FCHSD2: variants seen among roughly 807,000 people sequenced by gnomAD.
FCHSD2 encodes FCH and double SH3 domains 2, also known as F-BAR and double SH3 domains protein 2.
Under a neutral mutation model 108.1 loss-of-function variants are expected in FCHSD2, and 38 were observed. The ratio of observed to expected loss-of-function variants is 0.35; its 90% CI spans 0.27 to 0.46. FCHSD2 has a LOEUF of 0.46. Ranked by LOEUF, FCHSD2 falls within the 20% of genes least tolerant of loss-of-function variation. The probability of loss-of-function intolerance (pLI) is 1.00; values close to 1 mark genes in which losing one functional copy is unlikely to be tolerated. For missense variants in FCHSD2, 751 were observed against 897.8 expected (o/e 0.84, Z 2.09); for synonymous variants, 279 against 314.7 (o/e 0.89, Z 1.20).
chr11:72,923,668 G>A (rs767557635), intron 8 of FCHSD2, among the ~76,000 whole-genome samples: 3 of 152,156 alleles, frequency 2.0e-5, no homozygotes, highest in Non-Finnish European at 4.4e-5. Context: ...CAGGTTGGGT[G>A]TGGTGGGTCA....
intron 9 of FCHSD2, among the ~76,000 whole-genome samples, chr11:72,916,634 T>G (rs889232578): frequency 1.3e-5 from 2 of 152,320 alleles, no homozygotes; most frequent in Non-Finnish European, 2.9e-5. Flanking sequence ...CACTTTTATA[T>G]TGGGTTGTCT....
chr11:73,099,820 G>A (rs1187119541), intron 2 of FCHSD2, among the ~76,000 whole-genome samples: 1 of 152,184 alleles, frequency 6.6e-6, no homozygotes, highest in Admixed American at 6.5e-5. Flanking sequence ...AGGGAAGCCA[G>A]GAGAGGCGGC....
intron 8 of FCHSD2, among the ~76,000 whole-genome samples, chr11:72,972,244 T>A (rs1857021021): frequency 6.6e-6 from 1 of 152,206 alleles, no homozygotes; most frequent in South Asian, 2.1e-4. Flanking sequence ...ACCTGTCCAC[T>A]GAAGGATGTG....
At chr11:72,904,966 GTTTA>G (rs1422042615) in intron 9 of FCHSD2, among the ~76,000 whole-genome samples, 5 of 152,130 alleles carry the variant, frequency 3.3e-5, no homozygotes, top group South Asian at 2.1e-4. Context: ...TTTTTGTCTT[GTTTA>G]TTTATTTATT....
intron 4 of FCHSD2, among the ~76,000 whole-genome samples, chr11:73,009,073 T>A (rs1857804271): frequency 6.6e-6 from 1 of 151,732 alleles, no homozygotes; most frequent in Non-Finnish European, 1.5e-5. Flanking sequence ...AAAGTAGTGT[T>A]ACAAAAGTCT....
chr11:72,888,658 A>G (rs1265601327), intron 11 of FCHSD2, among the ~76,000 whole-genome samples: 9 of 149,044 alleles, frequency 6.0e-5, no homozygotes. Context: ...TTTCTCTGTC[A>G]CCCAGTCTGG....
chr11:72,927,682 C>G (rs924945999), intron 8 of FCHSD2, among the ~76,000 whole-genome samples: 1 of 152,192 alleles, frequency 6.6e-6, no homozygotes, highest in Admixed American at 6.5e-5. Context: ...TGGGACCATA[C>G]TTTGAAAACT....
In FCHSD2 at chr11:72,881,870, G is replaced by A. The variant is rs138847212; in HGVS notation, c.1146+5600C>T. On this transcript the variant is annotated intron_variant, in intron 12 of 19. Coordinates refer to ENST00000409418, the MANE Select transcript of FCHSD2 (RefSeq NM_014824.3). ...GAGAGTAGAGGCTGGGGCCGGGTGC[G>A]GTGGCTCACGCCTGTAATCCCAGCA... is the stretch of plus-strand genomic sequence containing the variant. Among the ~76,000 whole-genome samples, 594 of 152,312 alleles carry A rather than the reference G, an allele frequency of 3.9e-3. 1 individual carries two copies. Among genetic ancestry groups the A allele is most frequent in the Non-Finnish European group, 6.1e-3 (415 of 68,034 alleles).
intron 8 of FCHSD2, among the ~76,000 whole-genome samples, chr11:72,934,828 C>T (rs976594956): frequency 6.6e-6 from 1 of 152,044 alleles, no homozygotes; most frequent in African/African-American, 2.4e-5. Context: ...GACTATTGGA[C>T]ACAAATTTCT....
intron 3 of FCHSD2, among the ~76,000 whole-genome samples, chr11:73,031,707 T>C (rs1858365277): frequency 6.6e-6 from 1 of 152,176 alleles, no homozygotes; most frequent in Admixed American, 6.5e-5. Context: ...GCCTTCTGAC[T>C]CCAAGGCCAG....
intron 8 of FCHSD2, among the ~76,000 whole-genome samples, chr11:72,964,684 C>T (rs1169719069): frequency 1.3e-5 from 2 of 152,176 alleles, no homozygotes; most frequent in African/African-American, 4.8e-5. Context: ...ACCCACAGCC[C>T]CAGGTCTTTA....
At chr11:73,091,738 A>G (rs763944950) in intron 2 of FCHSD2, among the ~76,000 whole-genome samples, 83 of 151,580 alleles carry the variant, frequency 5.5e-4, no homozygotes, top group Non-Finnish European at 1.1e-3. Context: ...ACTCTTCCTC[A>G]TTCTTTAAAA....
chr11:72,924,805 T>C (rs1485632341), intron 8 of FCHSD2, among the ~76,000 whole-genome samples: 1 of 151,954 alleles, frequency 6.6e-6, no homozygotes, highest in East Asian at 1.9e-4. Context: ...GCACTGCAAA[T>C]ATTATTACTA....
intron 13 of FCHSD2, among the ~76,000 whole-genome samples, chr11:72,863,792 C>T (rs947296421): frequency 1.3e-5 from 2 of 152,178 alleles, no homozygotes; most frequent in Admixed American, 6.5e-5. Flanking sequence ...TACAACATCA[C>T]ACCTATTAGA....
intron 8 of FCHSD2, among the ~76,000 whole-genome samples, chr11:72,981,116 A>G (rs773927549): frequency 6.6e-6 from 1 of 152,170 alleles, no homozygotes; most frequent in African/African-American, 2.4e-5. Context: ...CAGACTATAG[A>G]ATTAGCATGA....
At chr11:72,993,991 A>T (rs1474882780) in intron 5 of FCHSD2, among the ~76,000 whole-genome samples, 1 of 152,178 alleles carries the variant, frequency 6.6e-6, no homozygotes, top group African/African-American at 2.4e-5. Context: ...CATGTCCCTT[A>T]CAGGGACACT....
chr11:73,013,564 T>C (rs1857906647), intron 4 of FCHSD2, among the ~76,000 whole-genome samples: 2 of 152,332 alleles, frequency 1.3e-5, no homozygotes, highest in South Asian at 4.1e-4. Context: ...TGTGTTTAAA[T>C]AGCTATCTGA....
chr11:72,915,742 T>TG (rs1274426564), intron 9 of FCHSD2, among the ~76,000 whole-genome samples: 1 of 152,176 alleles, frequency 6.6e-6, no homozygotes, highest in East Asian at 1.9e-4. Flanking sequence ...CGCTTGAACC[T>TG]GGGAGGCAGA....
intron 12 of FCHSD2, among the ~76,000 whole-genome samples, chr11:72,884,831 G>A (rs1855164182): frequency 6.6e-6 from 1 of 152,022 alleles, no homozygotes; most frequent in African/African-American, 2.4e-5. Flanking sequence ...CTGAGCTCAA[G>A]TGATCTTCCC....
Sources: allele counts gnomAD v4.1 joint callset (sites outside exome capture counted in the v4.1 genomes callset), GRCh38; gene constraint gnomAD v4.1.1; transcripts MANE v1.5; gene names NCBI Gene and HGNC (gene_info 2026-07-23, HGNC 2026-07-21).